DHRSX: variants seen among roughly 807,000 people sequenced by gnomAD.
The protein encoded by DHRSX is dehydrogenase/reductase X-linked.
In DHRSX, 31 loss-of-function variants were observed where a neutral mutation model predicts 34.0. That is an observed-to-expected ratio of 0.91 (90% confidence interval 0.69 to 1.23). DHRSX has a LOEUF of 1.23. Among genes scored for constraint, DHRSX ranks in the 50% most tolerant of loss-of-function variants. The pLI is 0.00. For synonymous variants in DHRSX, 201 were observed against 183.8 expected (o/e 1.09, Z -0.76); for missense variants, 414 against 428.1 (o/e 0.97, Z 0.29).
chrX:2,464,668 G>A (rs1246707648), intron 1 of DHRSX, among the ~76,000 whole-genome samples: 1 of 151,742 alleles, frequency 6.6e-6, no homozygotes, highest in Non-Finnish European at 1.5e-5. Flanking sequence ...TGTACACACT[G>A]AAGACGTTCC....
In DHRSX at chrX:2,497,804, C is replaced by T. The variant is rs2045319599; in HGVS notation, c.109+3013G>A. Among the ~76,000 whole-genome samples the T allele has an allele frequency of 3.9e-5, 6 of 152,268 alleles. No individual in the cohort carries two copies. In the South Asian group the frequency reaches 1.2e-3, roughly 32 times the overall value. Reference sequence around the variant, plus strand: ...AAACAGATCACCCTGTTATTAATACCGGTGGGTAGAGACTTTCTTTACTCA... The same window carrying T: ...AAACAGATCACCCTGTTATTAATACTGGTGGGTAGAGACTTTCTTTACTCA... On this transcript the variant is annotated intron_variant, in intron 1 of 6. Coordinates refer to ENST00000334651, the MANE Select transcript of DHRSX (RefSeq NM_145177.3).
At chrX:2,304,023 TGATGGATGGATGGATGGATGGATG>T (rs745829295) in intron 3 of DHRSX, among the ~76,000 whole-genome samples, 2 of 67,912 alleles carry the variant, frequency 2.9e-5, no homozygotes, top group East Asian at 4.9e-4. Flanking sequence ...ATGGATGAAC[TGATGGATGGATGGATGGATGGATG>T]GATGGATGGA....
intron 1 of DHRSX, among the ~76,000 whole-genome samples, chrX:2,460,699 T>A (rs1444450409): frequency 6.6e-6 from 1 of 150,674 alleles, no homozygotes; most frequent in Non-Finnish European, 1.5e-5. Context: ...TCCTCCCACC[T>A]CAGCCTCCTG....
At chrX:2,304,333 A>AC (rs1273639889) in intron 3 of DHRSX, among the ~76,000 whole-genome samples, 1 of 148,482 alleles carries the variant, frequency 6.7e-6, no homozygotes, top group Non-Finnish European at 1.5e-5. Context: ...GGATGGATGG[A>AC]TGAACTGATG....
At chrX:2,422,785 C>T (rs1315157237) in intron 2 of DHRSX, among the ~76,000 whole-genome samples, 2 of 150,408 alleles carry the variant, frequency 1.3e-5, no homozygotes, top group Admixed American at 6.6e-5. Context: ...ATCTCCAAAA[C>T]ATTTTGTTTA....
rs369808844 is a variant in DHRSX at position 2,456,118 on chromosome X, G to C, written c.110-30814C>G. Among the ~76,000 whole-genome samples, 191 of 152,268 alleles carry C rather than the reference G, an allele frequency of 1.3e-3. 1 individual carries two copies. The highest frequency in any genetic ancestry group is 4.3e-3 in the African/African-American group (178 of 41,558). ...AGCATCCTCACCAGCCTCAGGAACA[G>C]GGCACAGTCAACTCACCACAGGGGT... On this transcript the variant is annotated intron_variant, in intron 1 of 6. Coordinates refer to ENST00000334651, the MANE Select transcript of DHRSX (RefSeq NM_145177.3).
chrX:2,387,902 T>C (rs2043290082), intron 3 of DHRSX, among the ~76,000 whole-genome samples: 1 of 30,686 alleles, frequency 3.3e-5, no homozygotes. Context: ...CACCCTCCCC[T>C]GCAAAAAAAA....
At chrX:2,452,130 A>G (rs1227457823) in intron 1 of DHRSX, among the ~76,000 whole-genome samples, 1 of 152,052 alleles carries the variant, frequency 6.6e-6, no homozygotes, top group Non-Finnish European at 1.5e-5. Flanking sequence ...CGGCCAAGGG[A>G]CTGCCGCCGT....
At chrX:2,353,939 C>T (rs2042817844) in intron 3 of DHRSX, among the ~76,000 whole-genome samples, 2 of 152,082 alleles carry the variant, frequency 1.3e-5, no homozygotes, top group South Asian at 4.2e-4. Flanking sequence ...AGGAGAATGA[C>T]TGAGTACCAG....
chrX:2,361,120 T>C (rs1251830695), intron 3 of DHRSX, among the ~76,000 whole-genome samples: 1 of 151,964 alleles, frequency 6.6e-6, no homozygotes, highest in Non-Finnish European at 1.5e-5. Flanking sequence ...ATCATAAAAG[T>C]TTGTTTGTGA....
At chrX:2,267,176 T>G (rs2041486353) in intron 4 of DHRSX, among the ~76,000 whole-genome samples, 1 of 152,210 alleles carries the variant, frequency 6.6e-6, no homozygotes, top group South Asian at 2.1e-4. Flanking sequence ...CCTCTGTGCC[T>G]TGAGTTTAAA....
At chrX:2,232,317 A>T (rs1203134710) in intron 6 of DHRSX, among the ~76,000 whole-genome samples, 1 of 127,262 alleles carries the variant, frequency 7.9e-6, no homozygotes, top group Admixed American at 8.5e-5. Context: ...ATGAACTTGT[A>T]TCCACTTGTT....
intron 5 of DHRSX, among the ~76,000 whole-genome samples, chrX:2,262,449 G>GTGTGCCCACGGGCACAAAGACCTCATC (rs2041376633): frequency 6.6e-6 from 1 of 151,934 alleles, no homozygotes; most frequent in African/African-American, 2.4e-5. Context: ...CACATCTCAT[G>GTGTGCCCACGGGCACAAAGACCTCATC]TGTGCCCACG....
At chrX:2,406,946 T>C (rs752065062) in intron 3 of DHRSX, among the ~76,000 whole-genome samples, 1 of 152,276 alleles carries the variant, frequency 6.6e-6, no homozygotes, top group Admixed American at 6.5e-5. Flanking sequence ...AATCAGTGTA[T>C]CAAAGAGATG....
intron 3 of DHRSX, among the ~76,000 whole-genome samples, chrX:2,402,055 G>A (rs1342718821): frequency 6.6e-6 from 1 of 152,200 alleles, no homozygotes; most frequent in African/African-American, 2.4e-5. Context: ...CAAGAACTAA[G>A]GAGAGAGAAT....
At chrX:2,248,432 C>CAAAAAAAAAAAAAAAAAAAAA (rs574631590) in intron 5 of DHRSX, among the ~76,000 whole-genome samples, 1 of 111,076 alleles carries the variant, frequency 9.0e-6, no homozygotes, top group Non-Finnish European at 1.9e-5. Flanking sequence ...GACTCTGTCT[C>CAAAAAAAAAAAAAAAAAAAAA]AAAAAAAAAA....
At chrX:2,259,162 A>G (rs2041320214) in intron 5 of DHRSX, among the ~76,000 whole-genome samples, 1 of 151,848 alleles carries the variant, frequency 6.6e-6, no homozygotes. Context: ...AATCCCAGCT[A>G]CTCAGGAGGC....
At chrX:2,424,528 C>A (rs2043818678) in intron 2 of DHRSX, among the ~76,000 whole-genome samples, 1 of 152,138 alleles carries the variant, frequency 6.6e-6, no homozygotes, top group South Asian at 2.1e-4. Context: ...AACTTCCAGC[C>A]TCTGGAATTG....
chrX:2,492,995 C>A (rs1369781893), intron 1 of DHRSX, among the ~76,000 whole-genome samples: 2 of 152,244 alleles, frequency 1.3e-5, no homozygotes, highest in Non-Finnish European at 2.9e-5. Context: ...TCAACGGTGC[C>A]CGCCCAGTGC....
Sources: allele counts gnomAD v4.1 joint callset (sites outside exome capture counted in the v4.1 genomes callset), GRCh38; gene constraint gnomAD v4.1.1; transcripts MANE v1.5; gene names NCBI Gene and HGNC (gene_info 2026-07-23, HGNC 2026-07-21).